Variants in NCAM2 observed in about 807,000 individuals in gnomAD.
NCAM2 encodes neural cell adhesion molecule 2.
In NCAM2, 30 loss-of-function variants were observed where a neutral mutation model predicts 98.1. The observed-to-expected ratio is 0.31, with a 90% CI of 0.23 to 0.41. The LOEUF (loss-of-function observed/expected upper bound fraction) is 0.41, where lower values mean the gene tolerates loss of function less well. NCAM2 is among the 10% of genes least tolerant of loss of function. NCAM2 has a pLI of 1.00. For missense variants in NCAM2, 867 were observed against 1,005.8 expected (o/e 0.86, Z 1.87); for synonymous variants, 368 against 342.4 (o/e 1.07, Z -0.83).
chr21:21,536,068 A>G (rs78317853), intron 17 of NCAM2, among the ~76,000 whole-genome samples: 4,799 of 152,160 alleles, frequency 0.032, 252 homozygotes, highest in African/African-American at 0.11. Context: ...ATGACCTTGT[A>G]TTGTCAATAT....
chr21:21,528,110 A>G (rs2146407845), intron 16 of NCAM2, among the ~76,000 whole-genome samples: 1 of 152,344 alleles, frequency 6.6e-6, no homozygotes, highest in East Asian at 1.9e-4. Context: ...TACCTACTTT[A>G]TAATTCCAAC....
rs1965725176 is a variant in NCAM2, at chr21:21,439,763, A to C, written c.1654+7482A>C. On this transcript the variant is annotated intron_variant, in intron 12 of 17. Transcript: ENST00000400546. ...AAACAAATTATTCCTATTTCTTTAA[A>C]TGATATGTGTTGAAATGTTTTTATA... Among the ~76,000 whole-genome samples the C allele has an allele frequency of 2.6e-5, 4 of 152,360 alleles. No homozygotes were observed. In the South Asian group the frequency reaches 8.3e-4, roughly 32 times the overall value.
At chr21:21,340,715 A>G (rs1763897314) in intron 8 of NCAM2, among the ~76,000 whole-genome samples, 2 of 151,880 alleles carry the variant, frequency 1.3e-5, no homozygotes, top group African/African-American at 4.8e-5. Context: ...TAATATTTCT[A>G]GTTTCCTGAA....
At chr21:21,384,165 T>G (rs2148108902) in intron 9 of NCAM2, among the ~76,000 whole-genome samples, 1 of 152,146 alleles carries the variant, frequency 6.6e-6, no homozygotes, top group Non-Finnish European at 1.5e-5. Context: ...ATCCTTTAAC[T>G]ATAAAACGTT....
At chr21:21,484,654 A>T (rs977920974) in intron 15 of NCAM2, among the ~76,000 whole-genome samples, 3 of 152,170 alleles carry the variant, frequency 2.0e-5, no homozygotes, top group Admixed American at 6.5e-5. Context: ...ATAATAAAAT[A>T]TTTCCTAAGG....
intron 5 of NCAM2, among the ~76,000 whole-genome samples, chr21:21,309,598 A>G (rs1243416479): frequency 2.0e-5 from 3 of 152,116 alleles, no homozygotes; most frequent in Admixed American, 2.0e-4. Context: ...GGGTGCACTC[A>G]TCAGTACTCA....
At chr21:21,398,222 A>G (rs2076556522) in intron 9 of NCAM2, among the ~76,000 whole-genome samples, 1 of 152,184 alleles carries the variant, frequency 6.6e-6, no homozygotes, top group African/African-American at 2.4e-5. Context: ...TGAGGATGCA[A>G]AGGCATAAGA....
intron 8 of NCAM2, among the ~76,000 whole-genome samples, chr21:21,340,149 A>G (rs939784275): frequency 2.0e-5 from 3 of 151,850 alleles, no homozygotes; most frequent in African/African-American, 7.2e-5. Context: ...TTGCATGTTT[A>G]TTTAGATTAG....
chr21:21,466,458 T>A, intron 12 of NCAM2, 148 bp from the exon 13 acceptor site: 1 of 558,968 alleles, frequency 1.8e-6, no homozygotes, highest in African/African-American at 2.0e-5. Context: ...ATGACTTATC[T>A]ATTTTTTAGG....
At chr21:21,232,369 T>G (rs1002708869) in intron 1 of NCAM2, among the ~76,000 whole-genome samples, 2 of 151,644 alleles carry the variant, frequency 1.3e-5, no homozygotes, top group Admixed American at 6.6e-5. Flanking sequence ...CTTGTTACAT[T>G]AATATTAACA....
intron 14 of NCAM2, among the ~76,000 whole-genome samples, chr21:21,475,885 A>G (rs541767156): frequency 5.8e-4 from 88 of 152,158 alleles, no homozygotes; most frequent in African/African-American, 2.1e-3. Flanking sequence ...CCTTTGTAAT[A>G]AAAGTTCTGT....
intron 1 of NCAM2, among the ~76,000 whole-genome samples, chr21:21,258,516 C>T (rs759867950): frequency 3.3e-5 from 5 of 152,070 alleles, no homozygotes; most frequent in Admixed American, 2.0e-4. Context: ...TTCTCTGTTT[C>T]GTTCACCCCT....
At chr21:21,472,493 T>A (rs959125824) in intron 14 of NCAM2, among the ~76,000 whole-genome samples, 1 of 152,076 alleles carries the variant, frequency 6.6e-6, no homozygotes, top group African/African-American at 2.4e-5. Context: ...TGAATACTTA[T>A]GGACATTAAA....
At chr21:21,258,853 C>T (rs545704923) in intron 1 of NCAM2, among the ~76,000 whole-genome samples, 11 of 152,148 alleles carry the variant, frequency 7.2e-5, no homozygotes, top group Admixed American at 3.9e-4. Flanking sequence ...AGCTGCAGGA[C>T]CCCTGGACAT....
chr21:21,426,503 A>G (rs1173585227), intron 11 of NCAM2, among the ~76,000 whole-genome samples: 1 of 152,204 alleles, frequency 6.6e-6, no homozygotes, highest in African/African-American at 2.4e-5. Context: ...GAAAAGACCA[A>G]AGACAGCCAC....
At chr21:21,008,486 T>A (rs2064150181) in intron 1 of NCAM2, among the ~76,000 whole-genome samples, 1 of 152,206 alleles carries the variant, frequency 6.6e-6, no homozygotes, top group African/African-American at 2.4e-5. Flanking sequence ...GTAGATAGTA[T>A]TTCTGATTTA....
chr21:21,101,877 G>A (rs933065314), intron 1 of NCAM2, among the ~76,000 whole-genome samples: 2 of 152,008 alleles, frequency 1.3e-5, no homozygotes, highest in South Asian at 4.1e-4. Context: ...GAAAATCATA[G>A]CTTTGACAAT....
intron 1 of NCAM2, among the ~76,000 whole-genome samples, chr21:21,021,064 G>T (rs192332717): frequency 6.6e-5 from 10 of 152,274 alleles, no homozygotes; most frequent in Non-Finnish European, 1.5e-4. Flanking sequence ...GGAAAACATA[G>T]TATGCCAAGA....
intron 1 of NCAM2, among the ~76,000 whole-genome samples, chr21:21,124,333 A>G (rs1480184009): frequency 6.6e-6 from 1 of 152,178 alleles, no homozygotes; most frequent in Non-Finnish European, 1.5e-5. Flanking sequence ...CATTATGTGC[A>G]AGTGCCTGTG....
Sources: allele counts gnomAD v4.1 joint callset (sites outside exome capture counted in the v4.1 genomes callset), GRCh38; gene constraint gnomAD v4.1.1; transcripts MANE v1.5; gene names NCBI Gene and HGNC (gene_info 2026-07-23, HGNC 2026-07-21).